KATNBL1: variants seen among roughly 807,000 people sequenced by gnomAD.
KATNBL1 encodes katanin regulatory subunit B1 like 1.
KATNBL1 carries 28 observed loss-of-function variants against 44.7 expected under a neutral mutation model. The ratio of observed to expected loss-of-function variants is 0.63; its 90% CI spans 0.46 to 0.86. The LOEUF (loss-of-function observed/expected upper bound fraction) is 0.86. KATNBL1 is among the 40% of genes least tolerant of loss of function. The pLI, the probability that KATNBL1 is intolerant of heterozygous loss-of-function variation, is 0.00. For missense variants in KATNBL1, 272 were observed against 350.7 expected (o/e 0.78, Z 1.79); for synonymous variants, 78 against 114.9 (o/e 0.68, Z 2.06).
At chr15:34,155,761 C>T (rs144573978) in intron 2 of KATNBL1, among the ~76,000 whole-genome samples, 1 of 152,308 alleles carries the variant, frequency 6.6e-6, no homozygotes, top group East Asian at 1.9e-4. Context: ...AACAGCATCT[C>T]TAGTATAGTT....
rs1485478241 is a variant in KATNBL1 at position 34,210,015 on chromosome 15, C to T, written c.-79G>A. On this transcript the variant is annotated 5_prime_UTR_variant, in exon 1 of 10. An upstream open reading frame in the 5' UTR loses its in-frame stop. Transcript: ENST00000256544. Reference sequence around the variant, plus strand: ...GCGCTGACGACCAGCGCCCGGCAGCCTAGAGAGTCCCTCGGCTTCTGGGCC... The same window carrying T: ...GCGCTGACGACCAGCGCCCGGCAGCTTAGAGAGTCCCTCGGCTTCTGGGCC... 1 of 151,854 alleles carries T rather than the reference C, an allele frequency of 6.6e-6. No individual in the cohort carries two copies. Among genetic ancestry groups the T allele is most frequent in the Non-Finnish European group, 1.5e-5 (1 of 67,900 alleles). 9.4% of individuals were successfully genotyped at this position (151,854 alleles called of 1,614,324 possible).
At position 34,188,137 on chromosome 15, in the gene KATNBL1, T is replaced by TAAAAAAACAAAA. The variant is rs1491479355; in HGVS notation, c.-15+21813_-15+21814insTTTTGTTTTTTT. Among the ~76,000 whole-genome samples the TAAAAAAACAAAA allele has an allele frequency of 3.6e-4, 8 of 22,098 alleles. No individual in the cohort carries two copies. In the East Asian group the frequency reaches 0.018, roughly 49 times the overall value. 14.5% of individuals were successfully genotyped at this position (22,098 alleles called of 152,430 possible). A position where few individuals can be genotyped will look rare whatever the true frequency, so the allele number is the denominator to read the frequency against. ...CTGGGTGACAGAGGAAGACGCCATG[T>TAAAAAAACAAAA]AAAAAAAAAAAAAAAAAAAAAAAAA... On this transcript the variant is annotated intron_variant, in intron 1 of 9. Transcript: ENST00000256544.
intron 4 of KATNBL1, among the ~76,000 whole-genome samples, chr15:34,149,306 T>G (rs1210178143): frequency 6.6e-6 from 1 of 152,200 alleles, no homozygotes; most frequent in Non-Finnish European, 1.5e-5. Context: ...TCCAGACCAT[T>G]TTCTAGACAA....
rs185421671 is a variant in KATNBL1, at chr15:34,173,353, A to G, written c.-14-9663T>C. 5.1e-4 allele frequency among the ~76,000 whole-genome samples: 77 copies of G among 152,344 alleles called. 1 individual carries two copies. In the East Asian group the frequency reaches 0.013, roughly 26 times the overall value. On this transcript the variant is annotated intron_variant, in intron 1 of 9. Coordinates refer to ENST00000256544, the MANE Select transcript of KATNBL1 (RefSeq NM_024713.3). Reference sequence around the variant, plus strand: ...AAGCTAGAGAAGGTGAAAATATACAAACAAATAAAAAATAAATCCTAAAAT... The same window carrying G: ...AAGCTAGAGAAGGTGAAAATATACAGACAAATAAAAAATAAATCCTAAAAT...
intron 1 of KATNBL1, among the ~76,000 whole-genome samples, chr15:34,196,348 G>C (rs11638656): frequency 6.6e-6 from 1 of 152,174 alleles, no homozygotes; most frequent in African/African-American, 2.4e-5. Context: ...AACCCGGGAG[G>C]TGGAGGCTGC....
chr15:34,145,243 C>A, intron 9 of KATNBL1, 155 bp downstream of exon 9: 1 of 1,405,546 alleles, frequency 7.1e-7, no homozygotes, highest in Non-Finnish European at 9.5e-7. Context: ...CACAGTTACA[C>A]GCAGAGGACC....
intron 1 of KATNBL1, among the ~76,000 whole-genome samples, chr15:34,200,330 G>A (rs1025260312): frequency 1.3e-5 from 2 of 151,580 alleles, no homozygotes; most frequent in South Asian, 4.2e-4. Flanking sequence ...TCGGCTCACT[G>A]CAACCTTCGC....
intron 1 of KATNBL1, among the ~76,000 whole-genome samples, chr15:34,181,822 ATATATATC>A (rs1889566548): frequency 9.2e-6 from 1 of 108,948 alleles, no homozygotes; most frequent in Non-Finnish European, 2.1e-5. Context: ...ATACATGTCC[ATATATATC>A]CATATATATA....
At chr15:34,207,235 G>A (rs562726640) in intron 1 of KATNBL1, among the ~76,000 whole-genome samples, 12 of 151,918 alleles carry the variant, frequency 7.9e-5, no homozygotes, top group Non-Finnish European at 1.8e-4. Context: ...TTGAGATGGA[G>A]TCTCACTCTG....
chr15:34,204,229 T>C (rs1375155247), intron 1 of KATNBL1, among the ~76,000 whole-genome samples: 1 of 152,108 alleles, frequency 6.6e-6, no homozygotes, highest in Non-Finnish European at 1.5e-5. Flanking sequence ...CCACTGAGAT[T>C]TGGGTGCTGT....
chr15:34,174,164 CT>C (rs1889254148), intron 1 of KATNBL1, among the ~76,000 whole-genome samples: 1 of 152,106 alleles, frequency 6.6e-6, no homozygotes, highest in African/African-American at 2.4e-5. Flanking sequence ...GAAACTAAGA[CT>C]TTTATAGGAT....
At chr15:34,196,769 G>A (rs908050637) in intron 1 of KATNBL1, among the ~76,000 whole-genome samples, 2 of 152,118 alleles carry the variant, frequency 1.3e-5, no homozygotes, top group Non-Finnish European at 2.9e-5. Context: ...CATAATGTAT[G>A]ATGCATCATC....
At chr15:34,193,257 G>C (rs1408092134) in intron 1 of KATNBL1, among the ~76,000 whole-genome samples, 1 of 139,314 alleles carries the variant, frequency 7.2e-6, no homozygotes, top group Non-Finnish European at 1.6e-5. Flanking sequence ...CTTAAGGCCA[G>C]ATGCAGTGGA....
rs572381001 is a variant in KATNBL1 at position 34,191,953 on chromosome 15, C to CA, written c.-15+17997dup. 6.0e-3 allele frequency among the ~76,000 whole-genome samples: 538 copies of CA among 90,400 alleles called. 6 individuals carry two copies. Among genetic ancestry groups the CA allele is most frequent in the South Asian group, 9.6e-3 (28 of 2,904 alleles). 59.3% of individuals were successfully genotyped at this position (90,400 alleles called of 152,430 possible). A position where few individuals can be genotyped will look rare whatever the true frequency, so the allele number is the denominator to read the frequency against. The stretch of plus-strand genomic sequence containing the variant: ...CAGAGCACACAGTGAGACTCCATCT[C>CA]AAAAAAAAAAAAAAAAAAAATCCAT... On this transcript the variant is annotated intron_variant, in intron 1 of 9. Coordinates refer to ENST00000256544, the MANE Select transcript of KATNBL1 (RefSeq NM_024713.3).
intron 4 of KATNBL1, among the ~76,000 whole-genome samples, chr15:34,148,998 A>C (rs1269746225): frequency 6.6e-6 from 1 of 152,238 alleles, no homozygotes; most frequent in East Asian, 1.9e-4. Flanking sequence ...AATTATTTTT[A>C]GCTGACCTAT....
chr15:34,207,320 T>C (rs1043984223), intron 1 of KATNBL1, among the ~76,000 whole-genome samples: 55 of 152,242 alleles, frequency 3.6e-4, no homozygotes, highest in African/African-American at 1.2e-3. Flanking sequence ...CCGATTCTCC[T>C]GCCTCAGCCT....
At chr15:34,185,572 G>GA (rs1404444547) in intron 1 of KATNBL1, among the ~76,000 whole-genome samples, 9 of 152,300 alleles carry the variant, frequency 5.9e-5, no homozygotes, top group Admixed American at 1.3e-4. Flanking sequence ...AGTGAACAAT[G>GA]AATACCATCA....
At position 34,178,292 on chromosome 15, in the gene KATNBL1, GA is replaced by G. The variant is rs548000452; in HGVS notation, c.-14-14603del. ...AGGAGATAACAACAGGTGGACAGGT[GA>G]ACATAAGCTATAAGCTATCTACCAT... is the stretch of plus-strand genomic sequence containing the variant. On this transcript the variant is annotated intron_variant, in intron 1 of 9. Coordinates refer to ENST00000256544, the MANE Select transcript of KATNBL1 (RefSeq NM_024713.3). Among the ~76,000 whole-genome samples the G allele has an allele frequency of 8.3e-3, 1,270 of 152,296 alleles. 12 individuals are homozygous for G. Among genetic ancestry groups the G allele is most frequent in the Non-Finnish European group, 0.012 (794 of 68,010 alleles).
At chr15:34,151,592 C>T (rs1159335893) in intron 4 of KATNBL1, among the ~76,000 whole-genome samples, 2 of 151,750 alleles carry the variant, frequency 1.3e-5, no homozygotes, top group East Asian at 3.9e-4. Flanking sequence ...GCTGGCATTA[C>T]AGGCGTGCAC....
Sources: allele counts gnomAD v4.1 joint callset (sites outside exome capture counted in the v4.1 genomes callset), GRCh38; gene constraint gnomAD v4.1.1; transcripts MANE v1.5; gene names NCBI Gene and HGNC (gene_info 2026-07-23, HGNC 2026-07-21).